The following QRFPR variants were observed in gnomAD, a reference collection of about 807,000 sequenced individuals.
The protein encoded by QRFPR is pyroglutamylated RF-amide peptide receptor.
In QRFPR, 37 loss-of-function variants were observed where a neutral mutation model predicts 31.3. The ratio of observed to expected loss-of-function variants is 1.18; its 90% confidence interval spans 0.91 to 1.56. The LOEUF is 1.56. Among genes scored for constraint, QRFPR ranks in the 40% most tolerant of loss-of-function variants. The pLI, the probability that QRFPR is intolerant of heterozygous loss-of-function variation, is 0.00. For missense variants in QRFPR, 542 were observed against 532.5 expected, an observed-to-expected ratio of 1.02 and a Z score of -0.18; for synonymous variants, 197 against 192.0, an observed-to-expected ratio of 1.03 and a Z score of -0.22.
chr4:121,380,170 ACAGACAGAC>A (rs1726446268), intron 1 of QRFPR, 129 bp downstream of exon 1: 1 of 623,144 alleles, frequency 1.6e-6, no homozygotes, highest in East Asian at 2.8e-5. Flanking sequence ...CGAGAGAGAG[ACAGACAGAC>A]GAGAGAGGAG....
chr4:121,346,215 C>T (rs1284320116), intron 1 of QRFPR, among the ~76,000 whole-genome samples: 2 of 152,116 alleles, frequency 1.3e-5, no homozygotes, highest in African/African-American at 4.8e-5. Context: ...TTTCATGTGC[C>T]AAATAAACAA....
Position 121,380,934 on chromosome 4 carries a change from C to T in QRFPR, c.-287G>A. Reference sequence around the variant, plus strand: ...AAATAAAGTTCTTCCCTTGCTCTTCCCTAAGGCGAGGCGCCGCCACGGTCT... The same window carrying T: ...AAATAAAGTTCTTCCCTTGCTCTTCTCTAAGGCGAGGCGCCGCCACGGTCT... On this transcript the variant is annotated 5_prime_UTR_variant, in exon 1 of 6. Transcript: ENST00000394427. The T allele has an allele frequency of 5.1e-6, 2 of 390,634 alleles. No homozygotes were observed. Among genetic ancestry groups the T allele is most frequent in the Non-Finnish European group, 9.1e-6 (2 of 219,048 alleles). The allele number at this position is 390,634 out of a possible 1,614,324, so 24.2% of individuals were successfully genotyped here. A position where few individuals can be genotyped will look rare whatever the true frequency, so the allele number is the denominator to read the frequency against.
intron 1 of QRFPR, among the ~76,000 whole-genome samples, chr4:121,357,688 G>A (rs1045405785): frequency 6.6e-6 from 1 of 152,198 alleles, no homozygotes; most frequent in Non-Finnish European, 1.5e-5. Context: ...CTGAAAGATT[G>A]TGAATTTTAG....
intron 1 of QRFPR, among the ~76,000 whole-genome samples, chr4:121,357,818 G>A (rs1032011980): frequency 1.3e-5 from 2 of 152,184 alleles, no homozygotes; most frequent in African/African-American, 4.8e-5. Context: ...CAAGGTCTAC[G>A]TTTCTAACAC....
At chr4:121,380,186 GGAGAGAGA>G (rs70950816) in intron 1 of QRFPR, 114 bp downstream of exon 1, 4,888 of 233,338 alleles carry the variant, frequency 0.021, 23 homozygotes, top group East Asian at 0.052. Context: ...AGACGAGAGA[GGAGAGAGA>G]GAGAGAGAGA....
chr4:121,365,663 ATTT>A (rs1325458829), intron 1 of QRFPR, among the ~76,000 whole-genome samples: 9,379 of 36,044 alleles, frequency 0.26, 2,085 homozygotes, highest in East Asian at 0.58. Flanking sequence ...TATTATATAT[ATTT>A]TATATATTAT....
At chr4:121,369,880 CT>C in intron 1 of QRFPR, 1 of 821,080 alleles carries the variant, frequency 1.2e-6, no homozygotes, top group Non-Finnish European at 2.2e-6. Context: ...CACTCTGCAG[CT>C]TTAGTTTGTG....
At chr4:121,368,989 T>C (rs1224980552) in intron 1 of QRFPR, among the ~76,000 whole-genome samples, 1 of 152,234 alleles carries the variant, frequency 6.6e-6, no homozygotes, top group African/African-American at 2.4e-5. Context: ...AAACCAATTG[T>C]ATCTCCAGCT....
At chr4:121,336,600 A>C (rs774724180) in intron 3 of QRFPR, among the ~76,000 whole-genome samples, 2 of 152,226 alleles carry the variant, frequency 1.3e-5, no homozygotes, top group Non-Finnish European at 2.9e-5. Context: ...TAAGCATTAG[A>C]GTCCTAACAA....
At chr4:121,375,477 T>C (rs1420532495) in intron 1 of QRFPR, among the ~76,000 whole-genome samples, 1 of 152,170 alleles carries the variant, frequency 6.6e-6, no homozygotes, top group African/African-American at 2.4e-5. Flanking sequence ...ACCCAAGAAA[T>C]GCTGAATACA....
intron 1 of QRFPR, among the ~76,000 whole-genome samples, chr4:121,351,954 A>T (rs551057823): frequency 6.6e-6 from 1 of 152,244 alleles, no homozygotes; most frequent in Admixed American, 6.5e-5. Context: ...AAAAAATGAA[A>T]TTAAACAGTA....
At chr4:121,333,586 C>T (rs1447884966) in intron 3 of QRFPR, among the ~76,000 whole-genome samples, 1 of 152,134 alleles carries the variant, frequency 6.6e-6, no homozygotes. Context: ...AAAGAGGCAA[C>T]TGGCAGCTTT....
rs1048145069 is a variant in QRFPR at position 121,340,552 on chromosome 4, G to T, written c.399C>A (p.Ile133=). The T allele has an allele frequency of 1.2e-6, 2 of 1,613,946 alleles. No homozygotes were observed. Among genetic ancestry groups the T allele is most frequent in the Non-Finnish European group, 1.7e-6 (2 of 1,179,986 alleles). ...FVQSTAVVTE[I]LTMTCIAVER... is the part of the protein sequence containing the mutation. ...CCACAGCAATGCAGGTCATAGTGAG[G>T]ATTTCTGTCACAACAGCGGTAGACT... The change falls in exon 2 of 6, where the codon ATC becomes ATA. Residue 133 remains isoleucine, a synonymous_variant. Transcript: ENST00000394427.
At chr4:121,371,377 C>G (rs1726242065) in intron 1 of QRFPR, among the ~76,000 whole-genome samples, 1 of 152,178 alleles carries the variant, frequency 6.6e-6, no homozygotes, top group Non-Finnish European at 1.5e-5. Flanking sequence ...CTTAAAGGCA[C>G]AGACTGAGAG....
At chr4:121,335,948 T>A (rs1217365757) in intron 3 of QRFPR, among the ~76,000 whole-genome samples, 1 of 152,186 alleles carries the variant, frequency 6.6e-6, no homozygotes, top group Admixed American at 6.5e-5. Flanking sequence ...CTTTCTGCTC[T>A]CACCTATGGA....
chr4:121,380,281 A>C, intron 1 of QRFPR, 27 bp downstream of exon 1: 1 of 1,545,838 alleles, frequency 6.5e-7, no homozygotes, highest in Non-Finnish European at 8.9e-7. Context: ...AGAGAGAAGG[A>C]GCGAAGGAGC....
rs150675541 is a variant in QRFPR at position 121,338,089 on chromosome 4, A to G, written c.500-1221T>C. On this transcript the variant is annotated intron_variant, in intron 2 of 5. Coordinates refer to ENST00000394427, the MANE Select transcript of QRFPR (RefSeq NM_198179.3). ...AATTTGGTGCTGCCTATAAAAATTC[A>G]TCATGATCCAATGATACCTGGCAGC... Among the ~76,000 whole-genome samples, 716 of 152,294 alleles carry G rather than the reference A, an allele frequency of 4.7e-3. 8 individuals carry two copies. The highest frequency in any genetic ancestry group is 0.017 in the African/African-American group (687 of 41,550).
At position 121,358,232 on chromosome 4, in the gene QRFPR, A is replaced by T. The variant is rs552524976; in HGVS notation, c.341-17622T>A. Among the ~76,000 whole-genome samples, 16 of 152,340 alleles carry T rather than the reference A, an allele frequency of 1.1e-4. No homozygotes were observed. In the South Asian group the frequency reaches 3.3e-3, roughly 32 times the overall value. On this transcript the variant is annotated intron_variant, in intron 1 of 5. Coordinates refer to ENST00000394427, the MANE Select transcript of QRFPR (RefSeq NM_198179.3). Reference sequence around the variant, plus strand: ...ATGTTGTTTATTGCTTATTGTCAACATTATAAGAGATACCTACACTGGTAG... The same window carrying T: ...ATGTTGTTTATTGCTTATTGTCAACTTTATAAGAGATACCTACACTGGTAG...
Position 121,373,909 on chromosome 4 carries a change from T to A in QRFPR, c.340+6399A>T, listed in dbSNP as rs1271078101. 2.0e-5 allele frequency among the ~76,000 whole-genome samples: 3 copies of A among 152,352 alleles called. No homozygotes were observed. In the South Asian group the frequency reaches 6.2e-4, roughly 32 times the overall value. ...CAGTTAAATCCTTTCATTTTTCATA[T>A]AAAGTCATGCAAAATTCTAATTCTT... On this transcript the variant is annotated intron_variant, in intron 1 of 5. Transcript: ENST00000394427.
Sources: allele counts gnomAD v4.1 joint callset (sites outside exome capture counted in the v4.1 genomes callset), GRCh38; gene constraint gnomAD v4.1.1; transcripts MANE v1.5; gene names NCBI Gene and HGNC (gene_info 2026-07-23, HGNC 2026-07-21).